The following ATP8A1 variants were observed in gnomAD, a reference collection of about 807,000 sequenced individuals.
The protein encoded by ATP8A1 is phospholipid-transporting ATPase IA.
ATP8A1 carries 90 observed loss-of-function variants against 177.7 expected under a neutral mutation model. That is an observed-to-expected ratio of 0.51 (90% confidence interval 0.43 to 0.60). ATP8A1 has a LOEUF of 0.60. ATP8A1 is among the 20% of genes least tolerant of loss of function. The pLI is 0.00. For missense variants in ATP8A1, 1,072 were observed against 1,392.8 expected (o/e 0.77, Z 3.67); for synonymous variants, 493 against 485.9 (o/e 1.01, Z -0.19).
intron 29 of ATP8A1, 71 bp downstream of exon 29, chr4:42,455,226 C>A: frequency 6.3e-7 from 1 of 1,579,624 alleles, no homozygotes; most frequent in Non-Finnish European, 8.6e-7. Context: ...TTGAAAACCA[C>A]ATACCCCATA....
At chr4:42,522,024 T>A in intron 22 of ATP8A1, 136 bp downstream of exon 22, 1 of 959,460 alleles carries the variant, frequency 1.0e-6, no homozygotes, top group Non-Finnish European at 1.5e-6. Context: ...TTGTTAATGC[T>A]TAGATGATGA....
At chr4:42,561,212 G>A (rs1730788596) in intron 15 of ATP8A1, among the ~76,000 whole-genome samples, 1 of 152,098 alleles carries the variant, frequency 6.6e-6, no homozygotes, top group Non-Finnish European at 1.5e-5. Context: ...GCTCAGGTGG[G>A]CCGCGCACTG....
chr4:42,527,711 C>T (rs992278407), intron 20 of ATP8A1, among the ~76,000 whole-genome samples: 2 of 152,092 alleles, frequency 1.3e-5, no homozygotes, highest in Non-Finnish European at 2.9e-5. Context: ...AAAGGAATTG[C>T]CTGAGTTTTC....
intron 8 of ATP8A1, 133 bp from the exon 9 acceptor site, chr4:42,586,609 T>G: frequency 3.4e-6 from 3 of 876,556 alleles, no homozygotes; most frequent in Non-Finnish European, 5.1e-6. Flanking sequence ...TCTCCTCTAC[T>G]CTGTCAAATC....
At chr4:42,518,921 C>T (rs1461437538) in intron 22 of ATP8A1, among the ~76,000 whole-genome samples, 2 of 152,050 alleles carry the variant, frequency 1.3e-5, no homozygotes, top group South Asian at 2.1e-4. Context: ...AACTTCTGAA[C>T]CCTAATCCCA....
intron 25 of ATP8A1, among the ~76,000 whole-genome samples, chr4:42,476,626 A>T (rs951273644): frequency 6.6e-6 from 1 of 151,686 alleles, no homozygotes; most frequent in Non-Finnish European, 1.5e-5. Context: ...AAAAAAAAAA[A>T]GTTAACAGAA....
chr4:42,552,699 A>C lies in ATP8A1; in HGVS notation c.1414-89T>G, dbSNP rs1394451211. 3.1e-6 allele frequency: 3 copies of C among 975,870 alleles called. No homozygotes were observed. In the African/African-American group the frequency reaches 5.0e-5, roughly 16 times the overall value. 60.5% of individuals were successfully genotyped at this position (975,870 alleles called of 1,614,324 possible). A position where few individuals can be genotyped will look rare whatever the true frequency, so the allele number is the denominator to read the frequency against. ...ATTACTTCATGTCTATTAAGAACAT[A>C]GTTGTTGGCCAGACATGGTAGCTCA... On this transcript the variant is annotated intron_variant, in intron 16 of 36. Transcript: ENST00000381668.
intron 19 of ATP8A1, among the ~76,000 whole-genome samples, chr4:42,548,712 C>T (rs1166143888): frequency 6.6e-6 from 1 of 152,174 alleles, no homozygotes; most frequent in African/African-American, 2.4e-5. Flanking sequence ...CTCCCACTCA[C>T]ACATCCTTCC....
chr4:42,532,739 T>C (rs1238889441), intron 20 of ATP8A1, among the ~76,000 whole-genome samples: 1 of 152,234 alleles, frequency 6.6e-6, no homozygotes, highest in Non-Finnish European at 1.5e-5. Flanking sequence ...TAAGCCATCA[T>C]ATCCCCTGTG....
chr4:42,590,854 T>C lies in ATP8A1; in HGVS notation c.481A>G (p.Asn161Asp), dbSNP rs918085019. The C allele has an allele frequency of 9.3e-6, 15 of 1,613,346 alleles. No individual in the cohort carries two copies. The highest frequency in any genetic ancestry group is 1.3e-5 in the Non-Finnish European group (15 of 1,179,854). Reference sequence around the variant, plus strand: ...AGATCTGCTGGGAGATGTTCCCCATTGGTCACTTTCACTATCTCCCCTACT... The same window carrying C: ...AGATCTGCTGGGAGATGTTCCCCATCGGTCACTTTCACTATCTCCCCTACT... ...VAVGEIVKVT[N>D]GEHLPADLIS... Residue 161 changes from asparagine to aspartate, a missense_variant, in exon 7 of 37, where the codon AAT becomes GAT. This residue lies in a region of ATP8A1 where 344 missense variants were observed against 393.5 expected (regional missense o/e 0.87). Coordinates refer to ENST00000381668, the MANE Select transcript of ATP8A1 (RefSeq NM_006095.2).
intron 33 of ATP8A1, among the ~76,000 whole-genome samples, chr4:42,424,951 T>C (rs187706154): frequency 6.6e-6 from 1 of 152,308 alleles, no homozygotes; most frequent in East Asian, 1.9e-4. Flanking sequence ...TGAAAAATAC[T>C]CACATAAAAG....
chr4:42,435,461 A>ACAAC (rs1553871737), intron 33 of ATP8A1, among the ~76,000 whole-genome samples: 7 of 122,338 alleles, frequency 5.7e-5, no homozygotes, highest in East Asian at 2.5e-4. Flanking sequence ...AAAAAAAAAA[A>ACAAC]AACAAACTAT....
intron 1 of ATP8A1, among the ~76,000 whole-genome samples, chr4:42,650,130 G>A (rs1329878017): frequency 6.6e-6 from 1 of 152,180 alleles, no homozygotes; most frequent in Non-Finnish European, 1.5e-5. Context: ...TCCCACAGCT[G>A]TAACATTAGG....
intron 1 of ATP8A1, among the ~76,000 whole-genome samples, chr4:42,643,766 A>G (rs1452705890): frequency 6.6e-6 from 1 of 152,164 alleles, no homozygotes; most frequent in Non-Finnish European, 1.5e-5. Context: ...ATTCGCTGGT[A>G]GGTATTATCA....
At chr4:42,636,162 A>ACGCGCGTGCGCGCGCGCGCG (rs1327787678) in intron 1 of ATP8A1, among the ~76,000 whole-genome samples, 4 of 102,816 alleles carry the variant, frequency 3.9e-5, no homozygotes, top group South Asian at 2.7e-4. Context: ...ACACACGCAC[A>ACGCGCGTGCGCGCGCGCGCG]CACACACACA....
chr4:42,431,946 C>T (rs1008778373), intron 33 of ATP8A1, among the ~76,000 whole-genome samples: 1 of 152,212 alleles, frequency 6.6e-6, no homozygotes, highest in Admixed American at 6.5e-5. Context: ...TGTTTCTTTT[C>T]ATGCAAGTTT....
intron 1 of ATP8A1, among the ~76,000 whole-genome samples, chr4:42,645,798 G>T (rs2109563992): frequency 6.6e-6 from 1 of 152,266 alleles, no homozygotes. Context: ...GTCCATCTGA[G>T]AATATTTATC....
intron 20 of ATP8A1, among the ~76,000 whole-genome samples, chr4:42,526,215 C>T (rs377512920): frequency 0.03 from 4,569 of 151,898 alleles, 225 homozygotes; most frequent in African/African-American, 0.1. Flanking sequence ...TAATTTTCTA[C>T]CTTCTTTATA....
intron 30 of ATP8A1, 100 bp downstream of exon 30, chr4:42,451,881 T>C (rs2044721806): frequency 2.4e-6 from 2 of 820,856 alleles, no homozygotes; most frequent in Admixed American, 3.2e-5. Context: ...AGAAATATCA[T>C]ACAATGAAAC....
Sources: allele counts gnomAD v4.1 joint callset (sites outside exome capture counted in the v4.1 genomes callset), GRCh38; gene constraint gnomAD v4.1.1; regional missense constraint gnomAD v4.1.1; transcripts MANE v1.5; gene names NCBI Gene and HGNC (gene_info 2026-07-23, HGNC 2026-07-21).